Variants in OTP observed in about 807,000 individuals in gnomAD.
OTP encodes the protein homeobox protein orthopedia.
Under a neutral mutation model 22.3 loss-of-function variants are expected in OTP, and 5 were observed. The ratio of observed to expected loss-of-function variants is 0.22; its 90% confidence interval spans 0.12 to 0.47. The LOEUF is 0.47. Ranked by LOEUF, OTP falls within the 20% of genes least tolerant of loss-of-function variation. The pLI, the probability that OTP is intolerant of heterozygous loss-of-function variation, is 0.99. For missense variants in OTP, 428 were observed against 456.2 expected (o/e 0.94, Z 0.56); for synonymous variants, 229 against 210.6 (o/e 1.09, Z -0.76).
chr5:77,630,199 C>T lies in OTP; in HGVS notation c.*65G>A. ...AGGGCGCCGGGGTCCGGGTGCGCGC[C>T]GGAAGGGCCTCGGGGCGGCCCCCGG... is the stretch of plus-strand genomic sequence containing the variant. On this transcript the variant is annotated 3_prime_UTR_variant, in exon 3 of 3. Coordinates refer to ENST00000306422, the MANE Select transcript of OTP (RefSeq NM_032109.3). 1 of 1,163,784 alleles carries T rather than the reference C, an allele frequency of 8.6e-7. No homozygotes were observed. The highest frequency in any genetic ancestry group is 2.8e-5 in the South Asian group (1 of 35,496). The allele number at this position is 1,163,784 out of a possible 1,614,324, so 72.1% of individuals were successfully genotyped here.
chr5:77,630,515 C>T lies in OTP; in HGVS notation c.727G>A (p.Ala243Thr). The T allele has an allele frequency of 6.3e-7, 1 of 1,590,706 alleles. No homozygotes were observed. The highest frequency in any genetic ancestry group is 8.5e-7 in the Non-Finnish European group (1 of 1,171,216). ...CCCATGGAGTTGGGCGGCGGACCGGCCGCCAGGCTGCACTGGGACAGCGAC... is the reference window on the plus strand; with the variant it reads ...CCCATGGAGTTGGGCGGCGGACCGGTCGCCAGGCTGCACTGGGACAGCGAC... ...AQSLSQCSLA[A>T]GPPPNSMGLS... Residue 243 changes from alanine (A) to threonine (T), a missense_variant, in exon 3 of 3, where the codon GCC becomes ACC. Around this residue, in one of 3 missense-constraint regions of OTP, gnomAD observed 236 missense variants for 238.1 expected, o/e 0.99. Coordinates refer to ENST00000306422, the MANE Select transcript of OTP (RefSeq NM_032109.3).
At chr5:77,634,908 T>C (rs756846443) in intron 2 of OTP, among the ~76,000 whole-genome samples, 3 of 152,212 alleles carry the variant, frequency 2.0e-5, no homozygotes, top group Non-Finnish European at 4.4e-5. Flanking sequence ...TGTCTCTTTC[T>C]TCTTGTGCAT....
At position 77,628,768 on chromosome 5, in the gene OTP, G is replaced by T. The variant is rs1458478362; in HGVS notation, c.*1496C>A. The T allele has an allele frequency of 1.3e-5, 2 of 151,534 alleles. No individual in the cohort carries two copies. The highest frequency in any genetic ancestry group is 6.6e-5 in the Admixed American group (1 of 15,208). 9.4% of individuals were successfully genotyped at this position (151,534 alleles called of 1,614,324 possible). A position where few individuals can be genotyped will look rare whatever the true frequency, so the allele number is the denominator to read the frequency against. On this transcript the variant is annotated 3_prime_UTR_variant, in exon 3 of 3. Transcript: ENST00000306422. ...TTTACATTTAACTTGATATAAACTT[G>T]TCCGGAAAAGTCAAATAATATGCTT...
chr5:77,630,282 G>A lies in OTP; in HGVS notation c.960C>T (p.Val320=). 1.9e-6 allele frequency: 3 copies of A among 1,556,862 alleles called. No homozygotes were observed. The highest frequency in any genetic ancestry group is 2.6e-6 in the Non-Finnish European group (3 of 1,154,180). ...SLRRKALEHT[V]SMSFT is the part of the protein sequence containing the mutation. ...GGCTGCATTAAGTGAAGCTCATAGA[G>A]ACTGTGTGCTCTAGCGCCTTGCGGC... is the stretch of plus-strand genomic sequence containing the variant. The change falls in exon 3 of 3, where the codon GTC becomes GTT. Residue 320 remains valine (V), a synonymous_variant. Coordinates refer to ENST00000306422, the MANE Select transcript of OTP (RefSeq NM_032109.3).
chr5:77,632,634 C>A (rs917328431), intron 2 of OTP, among the ~76,000 whole-genome samples: 14 of 152,176 alleles, frequency 9.2e-5, no homozygotes, highest in African/African-American at 3.4e-4. Flanking sequence ...CTAGAATACT[C>A]CCCCAGCTTG....
Position 77,630,724 on chromosome 5 carries a change from C to G in OTP, c.518G>C (p.Gly173Ala). ...CAGGCCTGGCGTGGGCAGCAGTGTGCCGGGCGCACGGAACACGTTGGTCGT... is the reference window on the plus strand; with the variant it reads ...CAGGCCTGGCGTGGGCAGCAGTGTGGCGGGCGCACGGAACACGTTGGTCGT... ...KKTTNVFRAP[G>A]TLLPTPGLPQ... Residue 173 changes from glycine to alanine, a missense_variant, in exon 3 of 3, where the codon GGC becomes GCC. Gly to Ala is a moderately conservative substitution (Grantham distance 60, BLOSUM62 0). Around this residue, in one of 3 missense-constraint regions of OTP, gnomAD observed 236 missense variants for 238.1 expected, o/e 0.99. Coordinates refer to ENST00000306422, the MANE Select transcript of OTP (RefSeq NM_032109.3). 6.3e-7 allele frequency: 1 copy of G among 1,581,680 alleles called. No individual in the cohort carries two copies. Among genetic ancestry groups the G allele is most frequent in the Non-Finnish European group, 8.5e-7 (1 of 1,173,126 alleles).
intron 2 of OTP, among the ~76,000 whole-genome samples, chr5:77,635,761 G>A (rs895966243): frequency 2.0e-5 from 3 of 152,216 alleles, no homozygotes; most frequent in African/African-American, 7.2e-5. Context: ...CCAGGATATC[G>A]TACAGAAAAT....
intron 2 of OTP, among the ~76,000 whole-genome samples, chr5:77,634,791 C>T (rs563225654): frequency 6.6e-6 from 1 of 152,136 alleles, no homozygotes; most frequent in Non-Finnish European, 1.5e-5. Flanking sequence ...AACTATGGAA[C>T]ATTATTTTTA....
chr5:77,636,668 C>G (rs1745012097), intron 2 of OTP, 153 bp downstream of exon 2: 1 of 701,236 alleles, frequency 1.4e-6, no homozygotes, highest in Non-Finnish European at 2.3e-6. Context: ...GGACCAGTTT[C>G]CGGGTAGAGA....
chr5:77,638,001 T>C (rs941161699), intron 1 of OTP, among the ~76,000 whole-genome samples: 8 of 151,624 alleles, frequency 5.3e-5, no homozygotes, highest in African/African-American at 1.7e-4. Flanking sequence ...GACTGTGAGG[T>C]TGAATTTGGC....
chr5:77,633,869 G>A (rs1744965743), intron 2 of OTP, among the ~76,000 whole-genome samples: 1 of 152,324 alleles, frequency 6.6e-6, no homozygotes, highest in African/African-American at 2.4e-5. Context: ...CTGGGGAGCT[G>A]TATTAAAGCC....
chr5:77,633,151 A>G (rs527356149), intron 2 of OTP, among the ~76,000 whole-genome samples: 8 of 152,308 alleles, frequency 5.3e-5, no homozygotes, highest in South Asian at 2.1e-4. Context: ...CAGAAAAAAG[A>G]AAGAGGGGGA....
chr5:77,631,501 G>T (rs181956859), intron 2 of OTP, among the ~76,000 whole-genome samples: 1 of 151,372 alleles, frequency 6.6e-6, no homozygotes, highest in Non-Finnish European at 1.5e-5. Context: ...CCTTTGTCTG[G>T]GCTGTACGAG....
intron 2 of OTP, among the ~76,000 whole-genome samples, chr5:77,631,551 CTTTT>C (rs70988699): frequency 1.3e-5 from 1 of 74,232 alleles, no homozygotes; most frequent in African/African-American, 5.7e-5. Flanking sequence ...CAACCCTATT[CTTTT>C]TTTTTTTTTT....
At position 77,630,278 on chromosome 5, in the gene OTP, T is replaced by C; in HGVS notation, c.964A>G (p.Met322Val). 6.4e-7 allele frequency: 1 copy of C among 1,553,752 alleles called. No individual in the cohort carries two copies. The highest frequency in any genetic ancestry group is 1.2e-5 in the South Asian group (1 of 85,138). ...RRKALEHTVSMSFT is the reference protein window; with the variant it reads ...RRKALEHTVSVSFT The stretch of plus-strand genomic sequence containing the variant: ...GCGCGGCTGCATTAAGTGAAGCTCA[T>C]AGAGACTGTGTGCTCTAGCGCCTTG... The change falls in exon 3 of 3, where the codon ATG becomes GTG. Residue 322 changes from methionine (M) to valine (V), a missense_variant. Around this residue, in one of 3 missense-constraint regions of OTP, gnomAD observed 236 missense variants for 238.1 expected, o/e 0.99. Transcript: ENST00000306422.
intron 1 of OTP, among the ~76,000 whole-genome samples, chr5:77,637,442 C>T (rs1018163351): frequency 6.6e-6 from 1 of 152,352 alleles, no homozygotes; most frequent in South Asian, 2.1e-4. Flanking sequence ...TCGCCGCAGC[C>T]GGCTCCCGTA....
chr5:77,631,788 C>A (rs1383121963), intron 2 of OTP, among the ~76,000 whole-genome samples: 1 of 151,904 alleles, frequency 6.6e-6, no homozygotes, highest in East Asian at 1.9e-4. Flanking sequence ...TGGTCTTGAA[C>A]TCCTGACCTC....
intron 2 of OTP, chr5:77,635,911 A>C (rs567775044): frequency 1.5e-4 from 20 of 136,876 alleles, no homozygotes; most frequent in African/African-American, 4.5e-4. Flanking sequence ...TAAAAAACAA[A>C]AAAAAAAAAC....
At chr5:77,631,737 G>A (rs947440996) in intron 2 of OTP, among the ~76,000 whole-genome samples, 2 of 151,176 alleles carry the variant, frequency 1.3e-5, no homozygotes, top group South Asian at 2.1e-4. Flanking sequence ...GATAATTTTT[G>A]TACTTTTAGT....
Sources: allele counts gnomAD v4.1 joint callset (sites outside exome capture counted in the v4.1 genomes callset), GRCh38; gene constraint gnomAD v4.1.1; regional missense constraint gnomAD v4.1.1; transcripts MANE v1.5; gene names NCBI Gene and HGNC (gene_info 2026-07-23, HGNC 2026-07-21).